Variants in CHAT observed in about 807,000 individuals in gnomAD.
CHAT encodes the protein choline O-acetyltransferase.
Under a neutral mutation model 76.9 loss-of-function variants are expected in CHAT, and 61 were observed. That is an observed-to-expected ratio of 0.79 (90% CI 0.65 to 0.98). The LOEUF (loss-of-function observed/expected upper bound fraction) is 0.98. CHAT is among the 50% of genes least tolerant of loss of function. The pLI, the probability that CHAT is intolerant of heterozygous loss-of-function variation, is 0.00. For missense variants in CHAT, 946 were observed against 986.9 expected (o/e 0.96, Z 0.56); for synonymous variants, 407 against 397.4 (o/e 1.02, Z -0.29).
At chr10:49,622,006 G>T in intron 4 of CHAT, 91 bp from the exon 5 acceptor site, 1 of 1,442,196 alleles carries the variant, frequency 6.9e-7, no homozygotes, top group East Asian at 2.3e-5. Context: ...ATGGAAGGAA[G>T]AGGGAAGGAG....
Position 49,665,048 on chromosome 10 carries a change from T to A in CHAT, c.*2T>A. Reference sequence around the variant, plus strand: ...CCCAGCCAGGGACACCAACCTTGACTCCTGCCACTAGGTTTCACCTCCCAA... The same window carrying A: ...CCCAGCCAGGGACACCAACCTTGACACCTGCCACTAGGTTTCACCTCCCAA... On this transcript the variant is annotated 3_prime_UTR_variant, in exon 15 of 15. Transcript: ENST00000337653. The A allele has an allele frequency of 6.2e-7, 1 of 1,613,132 alleles. No individual in the cohort carries two copies. The highest frequency in any genetic ancestry group is 8.5e-7 in the Non-Finnish European group (1 of 1,180,016).
intron 11 of CHAT, 82 bp downstream of exon 11, chr10:49,652,088 G>A: frequency 1.3e-6 from 2 of 1,588,098 alleles, no homozygotes; most frequent in South Asian, 2.2e-5. Context: ...AAGCATCCTG[G>A]AGGGAGGGAC....
At chr10:49,638,105 A>G (rs1839355187) in intron 7 of CHAT, among the ~76,000 whole-genome samples, 2 of 152,220 alleles carry the variant, frequency 1.3e-5, no homozygotes, top group African/African-American at 4.8e-5. Context: ...TTTGTTTAAC[A>G]TATTTTATAG....
At chr10:49,617,743 C>G (rs906244141) in intron 2 of CHAT, among the ~76,000 whole-genome samples, 3 of 152,100 alleles carry the variant, frequency 2.0e-5, no homozygotes, top group Admixed American at 6.6e-5. Context: ...GACCACCCCC[C>G]CCACCGCAAG....
intron 2 of CHAT, 105 bp downstream of exon 2, chr10:49,616,707 C>G: frequency 2.5e-6 from 2 of 806,674 alleles, no homozygotes; most frequent in Non-Finnish European, 4.2e-6. Flanking sequence ...TTGCCTGGCC[C>G]CAGCCCTGCC....
intron 10 of CHAT, among the ~76,000 whole-genome samples, chr10:49,650,140 C>T (rs10776585): frequency 0.38 from 57,591 of 152,004 alleles, 11,778 homozygotes; most frequent in Middle Eastern, 0.48. Flanking sequence ...CTGGCAACCA[C>T]GTCTGCACTG....
intron 10 of CHAT, among the ~76,000 whole-genome samples, chr10:49,650,418 G>A (rs1839838461): frequency 6.6e-6 from 1 of 152,142 alleles, no homozygotes; most frequent in Non-Finnish European, 1.5e-5. Context: ...TATAGAAGCT[G>A]AACTCTGTCA....
In CHAT at chr10:49,665,114, C is replaced by G; in HGVS notation, c.*68C>G. 1 of 1,563,262 alleles carries G rather than the reference C, an allele frequency of 6.4e-7. No homozygotes were observed. Among genetic ancestry groups the G allele is most frequent in the Non-Finnish European group, 8.8e-7 (1 of 1,138,092 alleles). On this transcript the variant is annotated 3_prime_UTR_variant, in exon 15 of 15. Coordinates refer to ENST00000337653, the MANE Select transcript of CHAT (RefSeq NM_020549.5). ...CAGCCAGACCCTGCAGATCCCCACT[C>G]CCGTCCCTTACCCCAGCTTTCCACA...
chr10:49,611,069 C>A (rs1018008774), upstream of CHAT: 7 of 1,613,950 alleles, frequency 4.3e-6, no homozygotes, highest in Non-Finnish European at 5.9e-6. Context: ...GCGGGCTCAG[C>A]CCTTCGGCCC....
chr10:49,611,386 G>T (rs140414320), upstream of CHAT: 112 of 1,598,970 alleles, frequency 7.0e-5, 1 homozygote, highest in Middle Eastern at 3.3e-4. Context: ...TGCACTGGGC[G>T]TGGCGCTGGC....
Position 49,620,616 on chromosome 10 carries a change from G to A in CHAT, c.698+3G>A. ...CCTGGCACCGATGACCAGCTGAGGT[G>A]AGGCCTTGGTGCTCCTAGCTCATAA... On this transcript the variant is annotated splice_donor_region_variant and intron_variant, in intron 4 of 14. Transcript: ENST00000337653. The A allele has an allele frequency of 6.2e-7, 1 of 1,607,098 alleles. No individual in the cohort carries two copies. Among genetic ancestry groups the A allele is most frequent in the East Asian group, 2.2e-5 (1 of 44,682 alleles).
intron 7 of CHAT, among the ~76,000 whole-genome samples, chr10:49,632,783 G>A (rs1839169444): frequency 6.6e-6 from 1 of 152,194 alleles, no homozygotes; most frequent in African/African-American, 2.4e-5. Flanking sequence ...GTGAGCCCCA[G>A]GCTGCTTAGC....
rs867343616 is a variant in CHAT at position 49,665,033 on chromosome 10, G to A, written c.2234G>A (p.Gly745Glu). ...GAAAAAGCCACGAGGCCCAGCCAGG[G>A]ACACCAACCTTGACTCCTGCCACTA... ...TKEKATRPSQGHQP is the reference protein window; with the variant it reads ...TKEKATRPSQEHQP The change falls in exon 15 of 15, where the codon GGA becomes GAA. Residue 745 changes from glycine to glutamate, a missense_variant. By Grantham distance (98) the Gly-to-Glu change is moderately conservative. Coordinates refer to ENST00000337653, the MANE Select transcript of CHAT (RefSeq NM_020549.5). 1.9e-6 allele frequency: 3 copies of A among 1,613,798 alleles called. No individual in the cohort carries two copies. Among genetic ancestry groups the A allele is most frequent in the East Asian group, 4.5e-5 (2 of 44,888 alleles).
At chr10:49,646,364 T>G in intron 7 of CHAT, 141 bp from the exon 8 acceptor site, 8 of 1,035,302 alleles carry the variant, frequency 7.7e-6, no homozygotes, top group Non-Finnish European at 1.2e-5. Flanking sequence ...TGGGGCAAGG[T>G]GGGGGGTCAG....
At chr10:49,622,969 A>G (rs906398369) in intron 5 of CHAT, among the ~76,000 whole-genome samples, 2 of 152,134 alleles carry the variant, frequency 1.3e-5, no homozygotes, top group Non-Finnish European at 2.9e-5. Context: ...CTTCCAGGGT[A>G]GGGCTGTTCC....
intron 13 of CHAT, among the ~76,000 whole-genome samples, chr10:49,656,869 A>C (rs145932117): frequency 6.6e-6 from 1 of 152,170 alleles, no homozygotes; most frequent in East Asian, 1.9e-4. Flanking sequence ...GGCAGGGTGA[A>C]GGGGAAGTCG....
upstream of CHAT, chr10:49,610,839 C>T (rs1348559155): frequency 1.2e-6 from 2 of 1,610,894 alleles, no homozygotes; most frequent in Admixed American, 1.7e-5. Context: ...GGCAGAGGCG[C>T]CTGGTGCTTG....
intron 8 of CHAT, chr10:49,648,153 C>T (rs1278674889): frequency 5.2e-6 from 2 of 386,710 alleles, no homozygotes; most frequent in African/African-American, 4.1e-5. Flanking sequence ...CCGATGTGAG[C>T]TATGACAGGA....
At chr10:49,646,762 C>G in intron 8 of CHAT, 88 bp downstream of exon 8, 1 of 1,443,662 alleles carries the variant, frequency 6.9e-7, no homozygotes, top group Non-Finnish European at 9.6e-7. Context: ...GGTGCCCAGG[C>G]CCGCACGTGC....
Sources: gnomAD v4.1 joint callset for allele counts (sites outside exome capture counted in the v4.1 genomes callset) on GRCh38, gnomAD v4.1.1 for gene constraint, MANE v1.5 for transcripts, NCBI Gene and HGNC (gene_info 2026-07-23, HGNC 2026-07-21) for gene names.